The following C1GALT1 variants were observed in gnomAD, a reference collection of about 807,000 sequenced individuals.
The protein encoded by C1GALT1 is core 1 synthase, glycoprotein-N-acetylgalactosamine 3-beta-galactosyltransferase 1.
Under a neutral mutation model 31.0 loss-of-function variants are expected in C1GALT1, and 11 were observed. That is an observed-to-expected ratio of 0.36 (90% CI 0.22 to 0.59). The LOEUF (loss-of-function observed/expected upper bound fraction) is 0.59, where lower values mean the gene tolerates loss of function less well. Ranked by LOEUF, C1GALT1 falls within the 20% of genes least tolerant of loss-of-function variation. The probability of loss-of-function intolerance (pLI) is 0.79; values close to 1 mark genes in which losing one functional copy is unlikely to be tolerated. For synonymous variants in C1GALT1, 175 were observed against 143.6 expected, an observed-to-expected ratio of 1.22 and a Z score of -1.56; for missense variants, 424 against 425.2, an observed-to-expected ratio of 1.00 and a Z score of 0.03.
chr7:7,205,858 G>T (rs1348942313), intron 1 of C1GALT1, among the ~76,000 whole-genome samples: 1 of 151,998 alleles, frequency 6.6e-6, no homozygotes, highest in African/African-American at 2.4e-5. Context: ...TATCAATTCT[G>T]CAAATCTCTG....
At chr7:7,195,243 G>C (rs564635138) in intron 1 of C1GALT1, among the ~76,000 whole-genome samples, 6 of 152,074 alleles carry the variant, frequency 3.9e-5, no homozygotes, top group African/African-American at 1.2e-4. Flanking sequence ...TGTTTCTCTG[G>C]TTCCTTAAGG....
chr7:7,222,151 C>T (rs967070286), intron 1 of C1GALT1, among the ~76,000 whole-genome samples: 5 of 152,174 alleles, frequency 3.3e-5, no homozygotes, highest in African/African-American at 7.2e-5. Context: ...CCAAAAGACC[C>T]AACTTAACGA....
At chr7:7,199,279 C>T (rs896972280) in intron 1 of C1GALT1, among the ~76,000 whole-genome samples, 13 of 152,116 alleles carry the variant, frequency 8.5e-5, no homozygotes, top group Non-Finnish European at 1.8e-4. Context: ...TTATTTCTGC[C>T]TTCATTTTGT....
At chr7:7,232,577 C>T (rs1228702766) in intron 1 of C1GALT1, among the ~76,000 whole-genome samples, 3 of 151,632 alleles carry the variant, frequency 2.0e-5, no homozygotes, top group African/African-American at 7.3e-5. Context: ...TGCAGTCCTG[C>T]CTCCCAGGTT....
chr7:7,239,687 T>A (rs978498697), intron 3 of C1GALT1, among the ~76,000 whole-genome samples: 1 of 152,210 alleles, frequency 6.6e-6, no homozygotes, highest in African/African-American at 2.4e-5. Flanking sequence ...AAGTGCATTA[T>A]TTTAGGAAGT....
intron 1 of C1GALT1, among the ~76,000 whole-genome samples, chr7:7,189,696 C>G (rs1214362972): frequency 6.6e-6 from 1 of 152,004 alleles, no homozygotes; most frequent in Non-Finnish European, 1.5e-5. Flanking sequence ...AGAAGTTTAT[C>G]CAATGAATAA....
chr7:7,225,314 C>T (rs1017827708), intron 1 of C1GALT1, among the ~76,000 whole-genome samples: 2 of 152,102 alleles, frequency 1.3e-5, no homozygotes, highest in African/African-American at 4.8e-5. Flanking sequence ...TTTTTACTTC[C>T]CTGTGTCATT....
chr7:7,228,634 A>G (rs1183441229), intron 1 of C1GALT1, among the ~76,000 whole-genome samples: 1 of 152,120 alleles, frequency 6.6e-6, no homozygotes, highest in African/African-American at 2.4e-5. Context: ...GTTTACAGTT[A>G]TTTAGTCATA....
rs1783922861 is a variant in C1GALT1, at chr7:7,248,162, TG to T, written c.*4436del. On this transcript the variant is annotated 3_prime_UTR_variant, in exon 4 of 4. Transcript: ENST00000436587. ...AACCTCTGTTGATTTTTTAAAAATGTGTTTATATATAAGATTTGAAATAAAA... is the reference window on the plus strand; with the variant it reads ...AACCTCTGTTGATTTTTTAAAAATGTTTTATATATAAGATTTGAAATAAAA... The T allele has an allele frequency of 6.6e-6, 1 of 152,018 alleles. No homozygotes were observed. Among genetic ancestry groups the T allele is most frequent in the Non-Finnish European group, 1.5e-5 (1 of 67,876 alleles). 9.4% of individuals were successfully genotyped at this position (152,018 alleles called of 1,614,324 possible). A position where few individuals can be genotyped will look rare whatever the true frequency, so the allele number is the denominator to read the frequency against.
intron 2 of C1GALT1, among the ~76,000 whole-genome samples, chr7:7,171,343 T>C (rs899656023): frequency 6.6e-6 from 1 of 152,148 alleles, no homozygotes; most frequent in African/African-American, 2.4e-5. Flanking sequence ...TATTTATCTA[T>C]ATATCAATAT....
intron 2 of C1GALT1, 45 bp downstream of exon 2, chr7:7,234,584 T>A (rs1783249406): frequency 6.9e-7 from 1 of 1,454,766 alleles, no homozygotes; most frequent in African/African-American, 1.4e-5. Flanking sequence ...AGTATTTTAG[T>A]CTAAATTTTG....
intron 2 of C1GALT1, among the ~76,000 whole-genome samples, chr7:7,162,173 G>C (rs964402272): frequency 6.8e-6 from 1 of 147,854 alleles, no homozygotes; most frequent in African/African-American, 2.5e-5. Flanking sequence ...GTGCAGGTTA[G>C]TTACATATGT....
intron 1 of C1GALT1, among the ~76,000 whole-genome samples, chr7:7,229,287 A>C (rs1782951188): frequency 6.6e-6 from 1 of 152,202 alleles, no homozygotes; most frequent in African/African-American, 2.4e-5. Flanking sequence ...TGGAAAACCA[A>C]GATCAGTGTG....
intron 1 of C1GALT1, among the ~76,000 whole-genome samples, chr7:7,198,982 C>T (rs1293216823): frequency 6.6e-6 from 1 of 152,112 alleles, no homozygotes; most frequent in Non-Finnish European, 1.5e-5. Context: ...TTTCAAAAAA[C>T]CAGCTCCTGG....
At chr7:7,203,894 A>T (rs939183600) in intron 1 of C1GALT1, among the ~76,000 whole-genome samples, 1 of 152,046 alleles carries the variant, frequency 6.6e-6, no homozygotes, top group Non-Finnish European at 1.5e-5. Context: ...AGTACTATAG[A>T]ATACAATAAC....
chr7:7,198,957 C>G (rs1460941389), intron 1 of C1GALT1, among the ~76,000 whole-genome samples: 1 of 152,060 alleles, frequency 6.6e-6, no homozygotes, highest in Non-Finnish European at 1.5e-5. Flanking sequence ...AGCGGTCTAT[C>G]CATTTTGTTG....
intron 1 of C1GALT1, among the ~76,000 whole-genome samples, chr7:7,193,257 T>C (rs892767609): frequency 6.6e-6 from 1 of 152,194 alleles, no homozygotes; most frequent in Non-Finnish European, 1.5e-5. Context: ...TTTCTGATGA[T>C]ATCTTCTGGG....
chr7:7,187,310 C>T (rs1327373143), intron 1 of C1GALT1, among the ~76,000 whole-genome samples: 9 of 151,330 alleles, frequency 5.9e-5, no homozygotes, highest in African/African-American at 1.2e-4. Flanking sequence ...AGTGCAGTGG[C>T]GCGATCTCAG....
intron 1 of C1GALT1, among the ~76,000 whole-genome samples, chr7:7,204,523 T>G (rs1000683258): frequency 1.3e-5 from 2 of 152,092 alleles, no homozygotes; most frequent in African/African-American, 4.8e-5. Context: ...TTAGTTTCAT[T>G]GATTTTTCCA....
Sources: gnomAD v4.1 joint callset for allele counts (sites outside exome capture counted in the v4.1 genomes callset) on GRCh38, gnomAD v4.1.1 for gene constraint, MANE v1.5 for transcripts, NCBI Gene and HGNC (gene_info 2026-07-23, HGNC 2026-07-21) for gene names.